The following HADHB variants were observed in gnomAD, a reference collection of about 807,000 sequenced individuals.
The protein encoded by HADHB is hydroxyacyl-CoA dehydrogenase trifunctional multienzyme complex subunit beta.
Under a neutral mutation model 61.9 loss-of-function variants are expected in HADHB, and 50 were observed. That is an observed-to-expected ratio of 0.81 (90% confidence interval 0.64 to 1.02). HADHB has a LOEUF of 1.02. Among genes scored for constraint, HADHB ranks in the 50% least tolerant of loss-of-function variants. The pLI is 0.00. For missense variants in HADHB, 504 were observed against 586.5 expected (o/e 0.86, Z 1.45); for synonymous variants, 191 against 201.6 (o/e 0.95, Z 0.45).
intron 1 of HADHB, among the ~76,000 whole-genome samples, chr2:26,247,548 A>G (rs1031221034): frequency 6.6e-6 from 1 of 152,186 alleles, no homozygotes; most frequent in Admixed American, 6.5e-5. Context: ...ATATATTTAT[A>G]TAAGATATTG....
chr2:26,268,234 G>A (rs926745781), intron 4 of HADHB, among the ~76,000 whole-genome samples: 5 of 152,148 alleles, frequency 3.3e-5, no homozygotes, highest in Non-Finnish European at 7.4e-5. Context: ...CTAAAATTAG[G>A]TGAAATGCTA....
chr2:26,255,344 A>G (rs1367183662), intron 3 of HADHB, among the ~76,000 whole-genome samples: 1 of 152,066 alleles, frequency 6.6e-6, no homozygotes, highest in Non-Finnish European at 1.5e-5. Flanking sequence ...TACTAAAAAT[A>G]CAAAAATTAG....
rs772220363 is a variant in HADHB, at chr2:26,263,444, T to G, written c.174T>G (p.Asp58Glu). 8 of 1,612,624 alleles carry G rather than the reference T, an allele frequency of 5.0e-6. No homozygotes were observed. The South Asian group carries it at 8.8e-5, about 18-fold the overall frequency. Residue 58 changes from aspartate to glutamate, a missense_variant, in exon 4 of 16, where the codon GAT (aspartate) becomes GAG (glutamate). Physicochemically the swap from Asp to Glu is conservative, Grantham distance 45. Transcript: ENST00000317799. ...ATATAAGGAATGTTGTGGTGGTGGATGGTGTTCGCACTCCATTTTTGCTGT... is the reference window on the plus strand; with the variant it reads ...ATATAAGGAATGTTGTGGTGGTGGAGGGTGTTCGCACTCCATTTTTGCTGT... Reference protein sequence around the residue: ...KPNIRNVVVVDGVRTPFLLSG... With the variant: ...KPNIRNVVVVEGVRTPFLLSG...
At chr2:26,251,871 G>A (rs1225883523) in intron 1 of HADHB, among the ~76,000 whole-genome samples, 1 of 152,062 alleles carries the variant, frequency 6.6e-6, no homozygotes, top group Non-Finnish European at 1.5e-5. Flanking sequence ...GCCAATTACC[G>A]CCAAATGTAG....
intron 15 of HADHB, among the ~76,000 whole-genome samples, chr2:26,286,349 T>G (rs1487644532): frequency 6.6e-6 from 1 of 152,120 alleles, no homozygotes; most frequent in Non-Finnish European, 1.5e-5. Context: ...GGGAGTTAAT[T>G]TACTTCTGGA....
Position 26,284,114 on chromosome 2 carries a change from C to T in HADHB, c.1062-3C>T, listed in dbSNP as rs753237760. The T allele has an allele frequency of 1.3e-6, 2 of 1,534,178 alleles. No homozygotes were observed. Among genetic ancestry groups the T allele is most frequent in the South Asian group, 1.1e-5 (1 of 89,442 alleles). On this transcript the variant is annotated splice_region_variant and splice_polypyrimidine_tract_variant and intron_variant, in intron 12 of 15. Transcript: ENST00000317799. ...TAAGATATTACTTATTTTTTCTTTGCAGACCAACATATGCTACTCCAAAAG... is the reference window on the plus strand; with the variant it reads ...TAAGATATTACTTATTTTTTCTTTGTAGACCAACATATGCTACTCCAAAAG...
chr2:26,266,871 CAAAAAAA>C (rs56401595), intron 4 of HADHB, among the ~76,000 whole-genome samples: 131 of 45,422 alleles, frequency 2.9e-3, no homozygotes, highest in Non-Finnish European at 4.1e-3. Flanking sequence ...CACTCTCTCT[CAAAAAAA>C]AAAAAAAAAA....
chr2:26,265,080 C>T (rs1672022056), intron 4 of HADHB, among the ~76,000 whole-genome samples: 1 of 151,972 alleles, frequency 6.6e-6, no homozygotes, highest in African/African-American at 2.4e-5. Context: ...TAGTAATCCA[C>T]TTAACGATGT....
chr2:26,281,081 A>G (rs1672768951), intron 10 of HADHB, among the ~76,000 whole-genome samples: 1 of 150,656 alleles, frequency 6.6e-6, no homozygotes, highest in African/African-American at 2.4e-5. Flanking sequence ...CCCCAATATT[A>G]TTTTCCTGTA....
intron 3 of HADHB, among the ~76,000 whole-genome samples, chr2:26,256,447 T>G (rs1054734150): frequency 7.2e-5 from 11 of 152,160 alleles, no homozygotes; most frequent in Admixed American, 5.9e-4. Flanking sequence ...AGTCATCTGA[T>G]GGACTGGAAA....
intron 10 of HADHB, among the ~76,000 whole-genome samples, chr2:26,281,968 T>G (rs566685599): frequency 7.9e-5 from 12 of 152,148 alleles, no homozygotes; most frequent in African/African-American, 2.9e-4. Context: ...TTCTTTGTCC[T>G]CCAGCTTCTC....
At chr2:26,264,401 T>C (rs963913061) in intron 4 of HADHB, among the ~76,000 whole-genome samples, 4 of 151,366 alleles carry the variant, frequency 2.6e-5, no homozygotes, top group Non-Finnish European at 2.9e-5. Context: ...ATAAAAAATA[T>C]TAGCTGGGCA....
intron 1 of HADHB, among the ~76,000 whole-genome samples, chr2:26,247,241 C>G (rs1027487413): frequency 1.3e-5 from 2 of 152,178 alleles, no homozygotes; most frequent in African/African-American, 4.8e-5. Context: ...CGATCCTACC[C>G]TACCCTACCC....
intron 15 of HADHB, among the ~76,000 whole-genome samples, chr2:26,289,131 TC>T (rs1189191993): frequency 6.6e-6 from 1 of 152,092 alleles, no homozygotes; most frequent in Non-Finnish European, 1.5e-5. Flanking sequence ...GCGCCTGTAG[TC>T]CCAGCTACTC....
intron 4 of HADHB, among the ~76,000 whole-genome samples, chr2:26,265,215 A>G (rs779526597): frequency 5.9e-5 from 9 of 152,278 alleles, no homozygotes; most frequent in Non-Finnish European, 1.3e-4. Flanking sequence ...TTCCATCAAG[A>G]CATGAAAGTT....
At chr2:26,255,464 A>G (rs1481533744) in intron 3 of HADHB, among the ~76,000 whole-genome samples, 2 of 149,644 alleles carry the variant, frequency 1.3e-5, no homozygotes, top group East Asian at 4.0e-4. Context: ...ACACCACTGC[A>G]CTCCAGCCTG....
intron 5 of HADHB, 32 bp downstream of exon 5, chr2:26,270,029 T>G (rs1299425721): frequency 6.8e-7 from 1 of 1,470,392 alleles, no homozygotes. Context: ...TCCGTTCTTA[T>G]TTCATTAAAG....
intron 3 of HADHB, chr2:26,261,401 G>T: frequency 5.0e-6 from 1 of 198,236 alleles, no homozygotes; most frequent in Admixed American, 5.5e-5. Flanking sequence ...TCTCTTCAGA[G>T]GTTTTGCTTT....
intron 3 of HADHB, among the ~76,000 whole-genome samples, chr2:26,258,378 G>A (rs1478483117): frequency 1.3e-5 from 2 of 152,240 alleles, no homozygotes; most frequent in Non-Finnish European, 2.9e-5. Context: ...TCTATTAGAA[G>A]CCATGGGTCA....
Sources: gnomAD v4.1 joint callset for allele counts (sites outside exome capture counted in the v4.1 genomes callset) on GRCh38, gnomAD v4.1.1 for gene constraint, MANE v1.5 for transcripts, NCBI Gene and HGNC (gene_info 2026-07-23, HGNC 2026-07-21) for gene names.